CCDC15: variants seen among roughly 807,000 people sequenced by gnomAD.
CCDC15 encodes coiled-coil domain-containing protein 15.
CCDC15 carries 105 observed loss-of-function variants against 114.5 expected under a neutral mutation model. That is an observed-to-expected ratio of 0.92 (90% CI 0.78 to 1.08). The LOEUF (loss-of-function observed/expected upper bound fraction) is 1.08. Among genes scored for constraint, CCDC15 ranks in the 50% least tolerant of loss-of-function variants. The probability of loss-of-function intolerance (pLI) is 0.00; values close to 1 mark genes in which losing one functional copy is unlikely to be tolerated. For missense variants in CCDC15, 1,105 were observed against 1,093.6 expected (o/e 1.01, Z -0.15); for synonymous variants, 334 against 377.8 (o/e 0.88, Z 1.34).
chr11:124,971,543 T>C (rs1264525872), intron 4 of CCDC15, among the ~76,000 whole-genome samples: 1 of 152,214 alleles, frequency 6.6e-6, no homozygotes, highest in African/African-American at 2.4e-5. Context: ...TATGTACATA[T>C]GTATTTATAT....
At chr11:125,038,697 T>G in intron 14 of CCDC15, 93 bp downstream of exon 14, 1 of 1,279,090 alleles carries the variant, frequency 7.8e-7, no homozygotes, top group Non-Finnish European at 1.1e-6. Flanking sequence ...ATTGACTGTG[T>G]CTTTTCATAC....
rs1171259249 is a variant in CCDC15, at chr11:125,025,085, AAT to A, written c.2412-13337_2412-13336del. Among the ~76,000 whole-genome samples, 126 of 79,534 alleles carry A rather than the reference AAT, an allele frequency of 1.6e-3. 2 individuals carry two copies. Among genetic ancestry groups the A allele is most frequent in the African/African-American group, 3.1e-3 (66 of 21,638 alleles). 52.2% of individuals were successfully genotyped at this position (79,534 alleles called of 152,430 possible). Reference sequence around the variant, plus strand: ...ATATATGAATATATGAATATATATGAATATATATATGAATATATATGAATATA... The same window carrying A: ...ATATATGAATATATGAATATATATGAATATATATGAATATATATGAATATA... On this transcript the variant is annotated intron_variant, in intron 13 of 15. Coordinates refer to ENST00000344762, the MANE Select transcript of CCDC15 (RefSeq NM_025004.3).
At chr11:125,023,768 C>T (rs989575252) in intron 13 of CCDC15, among the ~76,000 whole-genome samples, 5 of 151,958 alleles carry the variant, frequency 3.3e-5, no homozygotes, top group African/African-American at 4.8e-5. Context: ...GGAAACATAA[C>T]GTGTGGCATA....
intron 4 of CCDC15, among the ~76,000 whole-genome samples, chr11:124,962,346 G>C (rs1417880660): frequency 6.6e-6 from 1 of 152,200 alleles, no homozygotes; most frequent in South Asian, 2.1e-4. Flanking sequence ...AGTTGGAAGA[G>C]TTTCAAACAT....
chr11:124,991,150 C>G (rs1948262119), intron 8 of CCDC15, among the ~76,000 whole-genome samples: 1 of 152,174 alleles, frequency 6.6e-6, no homozygotes, highest in Non-Finnish European at 1.5e-5. Context: ...GGGAGAGAGG[C>G]ACTTCCTCTG....
chr11:124,965,993 G>A (rs985672522), intron 4 of CCDC15, among the ~76,000 whole-genome samples: 1 of 152,160 alleles, frequency 6.6e-6, no homozygotes, highest in African/African-American at 2.4e-5. Context: ...TGATTGCACT[G>A]TCATCTGAGA....
chr11:124,969,879 T>A (rs1186934836), intron 4 of CCDC15, among the ~76,000 whole-genome samples: 1 of 152,190 alleles, frequency 6.6e-6, no homozygotes, highest in Non-Finnish European at 1.5e-5. Flanking sequence ...TTTCTGGATG[T>A]GAGCTCCAGT....
At chr11:124,960,055 A>G (rs1176247220) in intron 4 of CCDC15, 52 bp downstream of exon 4, 2 of 1,397,892 alleles carry the variant, frequency 1.4e-6, no homozygotes, top group Admixed American at 2.5e-5. Context: ...CCTATCCCCT[A>G]AACTATAAAT....
chr11:124,969,748 C>T (rs143010772), intron 4 of CCDC15, among the ~76,000 whole-genome samples: 5 of 152,188 alleles, frequency 3.3e-5, no homozygotes, highest in Admixed American at 3.3e-4. Context: ...TCAGGCTAAC[C>T]CAAACAAGGG....
At chr11:124,965,358 G>A (rs1475639699) in intron 4 of CCDC15, among the ~76,000 whole-genome samples, 1 of 152,112 alleles carries the variant, frequency 6.6e-6, no homozygotes, top group African/African-American at 2.4e-5. Flanking sequence ...CTTCTTCCTG[G>A]TTTAGTCTTG....
intron 11 of CCDC15, among the ~76,000 whole-genome samples, chr11:124,996,960 G>A (rs1239721326): frequency 2.0e-5 from 3 of 152,116 alleles, no homozygotes; most frequent in Admixed American, 2.0e-4. Flanking sequence ...AGTTTTCTCT[G>A]TTGTAGACCT....
intron 11 of CCDC15, among the ~76,000 whole-genome samples, chr11:124,997,768 C>A (rs996421247): frequency 2.0e-5 from 3 of 151,996 alleles, no homozygotes; most frequent in African/African-American, 2.4e-5. Context: ...AAGGTGAAAC[C>A]CTGTTTCTAC....
At chr11:124,992,151 G>A (rs1948281499) in intron 9 of CCDC15, among the ~76,000 whole-genome samples, 1 of 152,098 alleles carries the variant, frequency 6.6e-6, no homozygotes, top group African/African-American at 2.4e-5. Context: ...TACTTCAGTG[G>A]TACAAAAGAC....
intron 13 of CCDC15, among the ~76,000 whole-genome samples, chr11:125,018,089 G>A (rs975209215): frequency 6.6e-6 from 1 of 152,074 alleles, no homozygotes; most frequent in African/African-American, 2.4e-5. Context: ...GTCTACAGTA[G>A]TATATCATAA....
intron 13 of CCDC15, among the ~76,000 whole-genome samples, chr11:125,012,152 G>A (rs1202234710): frequency 6.6e-6 from 1 of 152,142 alleles, no homozygotes; most frequent in African/African-American, 2.4e-5. Context: ...TGGAAAGTTT[G>A]AGTAAAGAAT....
intron 11 of CCDC15, among the ~76,000 whole-genome samples, chr11:124,994,769 C>T (rs1478562027): frequency 6.6e-6 from 1 of 152,186 alleles, no homozygotes; most frequent in Non-Finnish European, 1.5e-5. Context: ...AATGTTACAA[C>T]ATCCTGGCCT....
In CCDC15 at chr11:124,987,784, G is replaced by A. The variant is rs1225554505; in HGVS notation, c.1558G>A (p.Asp520Asn). ...TAGAGACCAGCATGTTCTCCCCAAA[G>A]ACCAGAATATTCTACCTAAATATCA... ...LSRDQHVLPK[D>N]QNILPKYQGQ... Residue 520 changes from aspartate to asparagine, a missense_variant, in exon 8 of 16, where the codon GAC becomes AAC. Asp to Asn is a conservative substitution (Grantham distance 23, BLOSUM62 1). Coordinates refer to ENST00000344762, the MANE Select transcript of CCDC15 (RefSeq NM_025004.3). 1 of 1,605,580 alleles carries A rather than the reference G, an allele frequency of 6.2e-7. No homozygotes were observed. Among genetic ancestry groups the A allele is most frequent in the East Asian group, 2.2e-5 (1 of 44,708 alleles).
intron 3 of CCDC15, 89 bp from the exon 4 acceptor site, chr11:124,959,726 T>TAA: frequency 2.2e-5 from 12 of 541,844 alleles, no homozygotes; most frequent in Non-Finnish European, 2.8e-5. Flanking sequence ...CCACCCCAAT[T>TAA]TAAAATCTTC....
intron 4 of CCDC15, among the ~76,000 whole-genome samples, chr11:124,971,900 G>A (rs1947888605): frequency 6.6e-6 from 1 of 152,106 alleles, no homozygotes; most frequent in East Asian, 1.9e-4. Context: ...TAGGAAGGAT[G>A]AGGATTTATT....
Sources: gnomAD v4.1 joint callset for allele counts (sites outside exome capture counted in the v4.1 genomes callset) on GRCh38, gnomAD v4.1.1 for gene constraint, MANE v1.5 for transcripts, NCBI Gene and HGNC (gene_info 2026-07-23, HGNC 2026-07-21) for gene names.